KAZN: variants seen among roughly 807,000 people sequenced by gnomAD.
KAZN encodes the protein kazrin, periplakin interacting protein.
A neutral mutation model predicts 87.4 loss-of-function variants in KAZN; 40 were observed. The ratio of observed to expected loss-of-function variants is 0.46; its 90% CI spans 0.36 to 0.60. The LOEUF is 0.60. KAZN is among the 20% of genes least tolerant of loss of function. The pLI is 0.00. For missense variants in KAZN, 898 were observed against 1,073.9 expected, an observed-to-expected ratio of 0.84 and a Z score of 2.29; for synonymous variants, 466 against 458.3, an observed-to-expected ratio of 1.02 and a Z score of -0.22.
At chr1:13,925,803 G>A (rs939478321) in intron 1 of KAZN, among the ~76,000 whole-genome samples, 1 of 152,240 alleles carries the variant, frequency 6.6e-6, no homozygotes, top group African/African-American at 2.4e-5. Flanking sequence ...AGGTTGGGAA[G>A]AGTGGGTGTG....
Position 13,893,758 on chromosome 1 carries a change from T to C in KAZN, c.91+2T>C. On this transcript the variant is annotated splice_donor_variant, in intron 1 of 16. Coordinates refer to the KAZN transcript ENST00000636203. LOFTEE classifies it high-confidence loss of function. ...AGCAGTGCCAACTTATGCAAGCAGG[T>C]AGGAATTGCGTCGTGTGTCATGTGC... The C allele has an allele frequency of 6.4e-7, 1 of 1,550,432 alleles. No individual in the cohort carries two copies. Among genetic ancestry groups the C allele is most frequent in the Non-Finnish European group, 8.7e-7 (1 of 1,146,944 alleles).
At chr1:14,661,519 A>G (rs995662938) in intron 1 of KAZN, among the ~76,000 whole-genome samples, 4 of 152,142 alleles carry the variant, frequency 2.6e-5, no homozygotes, top group African/African-American at 9.7e-5. Context: ...CAATATGTAA[A>G]TGAATGGATT....
chr1:14,891,663 C>T (rs1436658305), intron 1 of KAZN, among the ~76,000 whole-genome samples: 4 of 152,070 alleles, frequency 2.6e-5, no homozygotes, highest in Non-Finnish European at 4.4e-5. Context: ...GCAAGTTAGC[C>T]TGTGTCATGC....
In KAZN at chr1:14,576,080, G is replaced by A. The variant is rs1675160063; in HGVS notation, c.250-22903G>A. ...GAAAAAGAGCCCATAACTTGGAGTT[G>A]GGAGATGAATGTGAGTCCCTGTTCT... On this transcript the variant is annotated intron_variant, in intron 2 of 16. Transcript: ENST00000636203. Among the ~76,000 whole-genome samples, 3 of 152,310 alleles carry A rather than the reference G, an allele frequency of 2.0e-5. No homozygotes were observed. In the South Asian group the frequency reaches 6.2e-4, roughly 32 times the overall value.
At chr1:14,492,848 C>T (rs1669748128) in intron 2 of KAZN, among the ~76,000 whole-genome samples, 1 of 138,150 alleles carries the variant, frequency 7.2e-6, no homozygotes, top group Admixed American at 7.3e-5. Context: ...GTACACACAC[C>T]ATACCCATGT....
intron 2 of KAZN, among the ~76,000 whole-genome samples, chr1:14,372,237 G>A (rs1424658418): frequency 6.6e-6 from 1 of 152,178 alleles, no homozygotes. Context: ...CTATAGTGTG[G>A]TTGAATCATG....
At chr1:14,052,957 G>A (rs534920077) in intron 1 of KAZN, among the ~76,000 whole-genome samples, 1 of 152,160 alleles carries the variant, frequency 6.6e-6, no homozygotes, top group Non-Finnish European at 1.5e-5. Context: ...ACCCGCAGGA[G>A]GTTTCCGGGC....
intron 1 of KAZN, among the ~76,000 whole-genome samples, chr1:14,902,288 C>A (rs942605070): frequency 5.3e-5 from 8 of 151,120 alleles, no homozygotes; most frequent in South Asian, 2.1e-4. Flanking sequence ...TGCAGTGGCT[C>A]GATCTCGGCT....
intron 1 of KAZN, among the ~76,000 whole-genome samples, chr1:14,808,938 A>G (rs2100776065): frequency 6.6e-6 from 1 of 152,290 alleles, no homozygotes. Context: ...AGCTCCAAGC[A>G]TCACATCATA....
intron 1 of KAZN, among the ~76,000 whole-genome samples, chr1:13,968,536 C>A (rs1007788108): frequency 6.6e-6 from 1 of 152,206 alleles, no homozygotes; most frequent in African/African-American, 2.4e-5. Context: ...CGGGTCTACA[C>A]TTCCTATCTA....
chr1:13,936,545 G>A (rs1640751530), intron 1 of KAZN, among the ~76,000 whole-genome samples: 1 of 152,126 alleles, frequency 6.6e-6, no homozygotes, highest in African/African-American at 2.4e-5. Flanking sequence ...ACCTTTTGGA[G>A]TCTCCAAGGT....
intron 2 of KAZN, among the ~76,000 whole-genome samples, chr1:14,552,429 C>G (rs1287972300): frequency 6.6e-6 from 1 of 152,254 alleles, no homozygotes; most frequent in African/African-American, 2.4e-5. Context: ...CCACGGCTCC[C>G]CTTCCGGCAA....
rs1573259646 is a variant in KAZN at position 15,077,039 on chromosome 1, C to T, written c.1222+11286C>T. On this transcript the variant is annotated intron_variant, in intron 8 of 14. Transcript: ENST00000376030. The surrounding 1 kb of genome is among the most constrained non-coding windows in gnomAD (Gnocchi z 4.8). ...CACGTGCTGTAGCAAAAGGAAGCAG[C>T]TCTGCTCACTCCAGCGAGGCTGCTC... Among the ~76,000 whole-genome samples the T allele has an allele frequency of 2.0e-5, 3 of 152,364 alleles. No homozygotes were observed. The highest frequency in any genetic ancestry group is 3.9e-4 in the East Asian group (2 of 5,182).
chr1:14,982,229 G>A (rs551266343), intron 2 of KAZN, among the ~76,000 whole-genome samples: 27 of 152,180 alleles, frequency 1.8e-4, no homozygotes, highest in African/African-American at 2.4e-4. Flanking sequence ...GTTCCAGCCC[G>A]CGATCCACAC....
chr1:15,019,344 A>G (rs1670434673), intron 2 of KAZN, among the ~76,000 whole-genome samples: 1 of 152,150 alleles, frequency 6.6e-6, no homozygotes, highest in African/African-American at 2.4e-5. Context: ...GCCTCTTACC[A>G]GCTGGGTCAG....
chr1:14,091,194 A>G (rs1311359632), intron 1 of KAZN, among the ~76,000 whole-genome samples: 1 of 150,778 alleles, frequency 6.6e-6, no homozygotes, highest in Non-Finnish European at 1.5e-5. Context: ...GTATATTGCC[A>G]TGCAAACCTC....
intron 6 of KAZN, chr1:15,062,076 G>A (rs1241679669): frequency 1.3e-5 from 2 of 152,164 alleles, no homozygotes; most frequent in African/African-American, 2.4e-5. Flanking sequence ...TTGTCTTCTC[G>A]TGGTGGGCCC....
At chr1:14,966,266 C>T (rs886355958) in intron 2 of KAZN, among the ~76,000 whole-genome samples, 3 of 152,196 alleles carry the variant, frequency 2.0e-5, no homozygotes, top group Non-Finnish European at 4.4e-5. Context: ...AGGCGTGAGA[C>T]ACCTTGCCCC....
intron 1 of KAZN, among the ~76,000 whole-genome samples, chr1:13,944,911 C>T (rs906852949): frequency 6.6e-6 from 1 of 151,858 alleles, no homozygotes; most frequent in African/African-American, 2.4e-5. Context: ...ACTAGATGTT[C>T]TCAGTAACAA....
Sources: gnomAD v4.1 joint callset for allele counts (sites outside exome capture counted in the v4.1 genomes callset) on GRCh38, gnomAD v4.1.1 for gene constraint, Gnocchi (gnomAD v3.1) non-coding constraint, MANE v1.5 for transcripts, NCBI Gene and HGNC (gene_info 2026-07-23, HGNC 2026-07-21) for gene names.